Variants in MRPS27 observed in about 807,000 individuals in gnomAD.
MRPS27 encodes the protein small ribosomal subunit protein mS27.
In MRPS27, 43 loss-of-function variants were observed where a neutral mutation model predicts 48.9. The ratio of observed to expected loss-of-function variants is 0.88; its 90% CI spans 0.69 to 1.13. The LOEUF (loss-of-function observed/expected upper bound fraction) is 1.13, where lower values mean the gene tolerates loss of function less well. Among genes scored for constraint, MRPS27 ranks in the 50% most tolerant of loss-of-function variants. MRPS27 has a pLI of 0.00. For missense variants in MRPS27, 467 were observed against 476.3 expected, an observed-to-expected ratio of 0.98 and a Z score of 0.18; for synonymous variants, 188 against 171.9, an observed-to-expected ratio of 1.09 and a Z score of -0.73.
At chr5:72,278,853 C>T (rs1307397570) in intron 4 of MRPS27, among the ~76,000 whole-genome samples, 1 of 151,860 alleles carries the variant, frequency 6.6e-6, no homozygotes, top group Non-Finnish European at 1.5e-5. Flanking sequence ...GTATGGTATT[C>T]CATTGTAAAA....
intron 5 of MRPS27, 150 bp from the exon 6 acceptor site, chr5:72,234,347 A>C: frequency 1.4e-6 from 1 of 725,514 alleles, no homozygotes; most frequent in Non-Finnish European, 1.9e-6. Context: ...ACAGTGAAAC[A>C]GAAGCCATGA....
intron 2 of MRPS27, among the ~76,000 whole-genome samples, chr5:72,299,244 T>C (rs939003071): frequency 6.6e-6 from 1 of 150,428 alleles, no homozygotes; most frequent in Admixed American, 6.7e-5. Context: ...CCTGCACATG[T>C]ACTCCCTGAA....
chr5:72,304,380 T>C (rs1408566666), intron 2 of MRPS27, among the ~76,000 whole-genome samples: 1 of 152,114 alleles, frequency 6.6e-6, no homozygotes, highest in Non-Finnish European at 1.5e-5. Context: ...ATAATGTAAA[T>C]AGACGAAATT....
chr5:72,221,861 A>G (rs1383336480), intron 10 of MRPS27, among the ~76,000 whole-genome samples: 2 of 152,226 alleles, frequency 1.3e-5, no homozygotes, highest in African/African-American at 4.8e-5. Context: ...TCCATCTGAA[A>G]TGGCACCTTG....
At chr5:72,270,741 T>C (rs960215177) in intron 4 of MRPS27, among the ~76,000 whole-genome samples, 3 of 152,148 alleles carry the variant, frequency 2.0e-5, no homozygotes, top group African/African-American at 4.8e-5. Flanking sequence ...GACAACATAG[T>C]GTTACTGAAA....
chr5:72,298,631 G>C (rs959461200), intron 2 of MRPS27, among the ~76,000 whole-genome samples: 4 of 151,308 alleles, frequency 2.6e-5, no homozygotes, highest in African/African-American at 4.9e-5. Context: ...GCGTGAACCC[G>C]GGAAGCGGAG....
intron 4 of MRPS27, chr5:72,241,744 T>G: frequency 6.6e-7 from 1 of 1,508,602 alleles, no homozygotes. Flanking sequence ...ATTTTCCAAT[T>G]TGCCTGCAAA....
intron 4 of MRPS27, among the ~76,000 whole-genome samples, chr5:72,284,503 G>T (rs7700886): frequency 2.6e-5 from 4 of 151,722 alleles, no homozygotes; most frequent in African/African-American, 9.7e-5. Flanking sequence ...AAAGAGAAGG[G>T]GGGAGGGAAG....
chr5:72,313,402 T>C (rs372925806), intron 2 of MRPS27, among the ~76,000 whole-genome samples: 1 of 152,174 alleles, frequency 6.6e-6, no homozygotes, highest in African/African-American at 2.4e-5. Flanking sequence ...CACCAATCTA[T>C]TTATTTTATT....
At chr5:72,247,131 G>A (rs1397266044) in intron 4 of MRPS27, among the ~76,000 whole-genome samples, 1 of 152,156 alleles carries the variant, frequency 6.6e-6, no homozygotes, top group Non-Finnish European at 1.5e-5. Flanking sequence ...GGGCCAGTCA[G>A]TTAATATAAA....
At chr5:72,236,306 A>C (rs955703576) in intron 5 of MRPS27, among the ~76,000 whole-genome samples, 3 of 152,138 alleles carry the variant, frequency 2.0e-5, no homozygotes, top group African/African-American at 7.2e-5. Context: ...GTTGGAAATC[A>C]CTGATTTACT....
At chr5:72,258,840 CA>C (rs1353994059) in intron 4 of MRPS27, among the ~76,000 whole-genome samples, 1 of 152,196 alleles carries the variant, frequency 6.6e-6, no homozygotes, top group Admixed American at 6.5e-5. Context: ...TAGACTATGA[CA>C]GTAGATAATA....
At chr5:72,253,849 G>A (rs540871160) in intron 4 of MRPS27, among the ~76,000 whole-genome samples, 2 of 152,292 alleles carry the variant, frequency 1.3e-5, no homozygotes, top group South Asian at 4.1e-4. Flanking sequence ...GGATTACACT[G>A]AGTAGTGAAA....
At chr5:72,309,623 A>G (rs972426213) in intron 2 of MRPS27, among the ~76,000 whole-genome samples, 1 of 152,202 alleles carries the variant, frequency 6.6e-6, no homozygotes, top group Non-Finnish European at 1.5e-5. Flanking sequence ...ATCCATGACA[A>G]TGTTCCCTGG....
At chr5:72,310,052 A>T (rs1307363862) in intron 2 of MRPS27, among the ~76,000 whole-genome samples, 1 of 152,252 alleles carries the variant, frequency 6.6e-6, no homozygotes, top group Non-Finnish European at 1.5e-5. Flanking sequence ...GGAGATACAA[A>T]TATGGACTGG....
intron 2 of MRPS27, among the ~76,000 whole-genome samples, chr5:72,313,865 A>C (rs1561366605): frequency 6.6e-6 from 1 of 152,278 alleles, no homozygotes; most frequent in Non-Finnish European, 1.5e-5. Flanking sequence ...TATTCTAAGG[A>C]GACTAATCAT....
chr5:72,232,388 GC>G, intron 7 of MRPS27, 54 bp downstream of exon 7: 8 of 1,331,726 alleles, frequency 6.0e-6, no homozygotes, highest in Non-Finnish European at 8.4e-6. Context: ...TTGAGAGCAA[GC>G]CCCTGCTTGC....
chr5:72,272,475 A>C (rs1749273762), intron 4 of MRPS27, among the ~76,000 whole-genome samples: 1 of 152,150 alleles, frequency 6.6e-6, no homozygotes, highest in African/African-American at 2.4e-5. Flanking sequence ...CTCAGTAAAA[A>C]CCTTGGACAC....
intron 2 of MRPS27, chr5:72,307,948 T>C (rs2112081975): frequency 6.6e-6 from 1 of 152,236 alleles, no homozygotes; most frequent in East Asian, 1.9e-4. Flanking sequence ...ACTACAGCAA[T>C]CACTGAGAAA....
Sources: gnomAD v4.1 joint callset for allele counts (sites outside exome capture counted in the v4.1 genomes callset) on GRCh38, gnomAD v4.1.1 for gene constraint, MANE v1.5 for transcripts, NCBI Gene and HGNC (gene_info 2026-07-23, HGNC 2026-07-21) for gene names.